The following SNX10 variants were observed in gnomAD, a reference collection of about 807,000 sequenced individuals.
The protein encoded by SNX10 is sorting nexin-10.
In SNX10, 25 loss-of-function variants were observed where a neutral mutation model predicts 28.5. That is an observed-to-expected ratio of 0.88 (90% CI 0.64 to 1.22). SNX10 has a LOEUF of 1.22. Ranked by LOEUF, SNX10 falls within the 50% of genes most tolerant of loss-of-function variation. The pLI is 0.00. For synonymous variants in SNX10, 62 were observed against 81.4 expected (o/e 0.76, Z 1.28); for missense variants, 223 against 242.6 (o/e 0.92, Z 0.54).
chr7:26,349,967 A>T (rs1788534009), intron 2 of SNX10, among the ~76,000 whole-genome samples: 1 of 152,162 alleles, frequency 6.6e-6, no homozygotes, highest in African/African-American at 2.4e-5. Flanking sequence ...CCATAAGGGC[A>T]CTGGGCTCTT....
chr7:26,356,775 G>C (rs1040171065), intron 2 of SNX10, among the ~76,000 whole-genome samples: 4 of 152,066 alleles, frequency 2.6e-5, no homozygotes, highest in Non-Finnish European at 5.9e-5. Flanking sequence ...GAGTTCTTTA[G>C]GGTGCTAGAA....
Position 26,364,326 on chromosome 7 carries a change from C to A in SNX10, c.112-209C>A. On this transcript the variant is annotated intron_variant, in intron 3 of 6. Coordinates refer to ENST00000338523, the MANE Select transcript of SNX10 (RefSeq NM_013322.3). This position sits in a 1 kb window ranked among gnomAD's most constrained non-coding sequence, Gnocchi z 4.9. ...GGTCATACCTCACCCTGGGGCAACA[C>A]TGCTTATTTCCATCATCCTGGCTGT... 3 of 1,281,970 alleles carry A rather than the reference C, an allele frequency of 2.3e-6. No individual in the cohort carries two copies. Among genetic ancestry groups the A allele is most frequent in the Non-Finnish European group, 3.0e-6 (3 of 1,013,468 alleles). 79.4% of individuals were successfully genotyped at this position (1,281,970 alleles called of 1,614,324 possible). A position where few individuals can be genotyped will look rare whatever the true frequency, so the allele number is the denominator to read the frequency against.
chr7:26,323,393 A>G (rs947196827), intron 1 of SNX10, among the ~76,000 whole-genome samples: 2 of 152,184 alleles, frequency 1.3e-5, no homozygotes, highest in Non-Finnish European at 2.9e-5. Context: ...AGTCTAGGGA[A>G]AAAGCATTCC....
chr7:26,334,205 G>A (rs1429298245), intron 1 of SNX10, among the ~76,000 whole-genome samples: 1 of 152,122 alleles, frequency 6.6e-6, no homozygotes, highest in East Asian at 1.9e-4. Flanking sequence ...ATAGTTATAT[G>A]TATTTTTGAG....
intron 1 of SNX10, among the ~76,000 whole-genome samples, chr7:26,316,724 ACCAGGGTCACTTAGCAGGATTTGAGC>A (rs1787105644): frequency 6.6e-6 from 1 of 152,190 alleles, no homozygotes; most frequent in African/African-American, 2.4e-5. Context: ...AAGCAGGTGG[ACCAGGGTCACTTAGCAGGATTTGAGC>A]CCAGGGAGGA....
intron 2 of SNX10, among the ~76,000 whole-genome samples, chr7:26,347,112 TGTGCACACACAC>T (rs71731608): frequency 0.37 from 56,520 of 151,712 alleles, 11,013 homozygotes; most frequent in South Asian, 0.61. Context: ...GTCTAGGGAG[TGTGCACACACAC>T]GTGCACACAC....
At chr7:26,300,445 T>A (rs985032664) in intron 1 of SNX10, among the ~76,000 whole-genome samples, 1 of 152,114 alleles carries the variant, frequency 6.6e-6, no homozygotes, top group Non-Finnish European at 1.5e-5. Context: ...AATAAAATAA[T>A]ACTTAAGACC....
chr7:26,320,006 G>A (rs1163262762), intron 1 of SNX10, among the ~76,000 whole-genome samples: 1 of 151,886 alleles, frequency 6.6e-6, no homozygotes, highest in East Asian at 1.9e-4. Context: ...TTTTGAGACA[G>A]AGTCTCACTC....
intron 1 of SNX10, among the ~76,000 whole-genome samples, chr7:26,311,906 G>A (rs938466246): frequency 2.1e-5 from 3 of 143,216 alleles, no homozygotes; most frequent in Non-Finnish European, 3.0e-5. Context: ...AGGCAGTGTC[G>A]AGGAGATAAG....
chr7:26,343,666 G>A (rs1322947936), intron 1 of SNX10, among the ~76,000 whole-genome samples: 1 of 152,148 alleles, frequency 6.6e-6, no homozygotes, highest in Non-Finnish European at 1.5e-5. Flanking sequence ...AAGTATGAGG[G>A]TAGAGGTTCA....
Position 26,364,323 on chromosome 7 carries a change from A to G in SNX10, c.112-212A>G. On this transcript the variant is annotated intron_variant, in intron 3 of 6. Coordinates refer to ENST00000338523, the MANE Select transcript of SNX10 (RefSeq NM_013322.3). This position sits in a 1 kb window ranked among gnomAD's most constrained non-coding sequence, Gnocchi z 4.9. ...CCAGGTCATACCTCACCCTGGGGCAACACTGCTTATTTCCATCATCCTGGC... is the reference window on the plus strand; with the variant it reads ...CCAGGTCATACCTCACCCTGGGGCAGCACTGCTTATTTCCATCATCCTGGC... The G allele has an allele frequency of 7.8e-7, 1 of 1,280,316 alleles. No individual in the cohort carries two copies. Among genetic ancestry groups the G allele is most frequent in the Non-Finnish European group, 9.9e-7 (1 of 1,012,494 alleles). The allele number at this position is 1,280,316 out of a possible 1,614,324, so 79.3% of individuals were successfully genotyped here. A position where few individuals can be genotyped will look rare whatever the true frequency, so the allele number is the denominator to read the frequency against.
At chr7:26,335,561 C>T (rs1426444612) in intron 1 of SNX10, among the ~76,000 whole-genome samples, 2 of 145,338 alleles carry the variant, frequency 1.4e-5, no homozygotes, top group African/African-American at 5.1e-5. Context: ...TGTAGATCTG[C>T]CCTAGGAGCA....
intron 5 of SNX10, 70 bp downstream of exon 5, chr7:26,365,215 G>T: frequency 3.4e-6 from 3 of 892,460 alleles, no homozygotes; most frequent in Non-Finnish European, 5.6e-6. Flanking sequence ...CTGCATGGTG[G>T]TGTGGGGAAG....
At chr7:26,348,572 C>T (rs998752183) in intron 2 of SNX10, among the ~76,000 whole-genome samples, 9 of 152,202 alleles carry the variant, frequency 5.9e-5, no homozygotes, top group African/African-American at 1.2e-4. Context: ...GAGCCATGGG[C>T]GGAGTTATCC....
intron 1 of SNX10, among the ~76,000 whole-genome samples, chr7:26,325,306 AATATATATATAT>A (rs149785859): frequency 1.4e-4 from 7 of 51,334 alleles, no homozygotes; most frequent in African/African-American, 3.1e-4. Context: ...AAGTTTGCAA[AATATATATATAT>A]ATATATATAT....
Sources: gnomAD v4.1 joint callset for allele counts (sites outside exome capture counted in the v4.1 genomes callset) on GRCh38, gnomAD v4.1.1 for gene constraint, Gnocchi (gnomAD v3.1) non-coding constraint, MANE v1.5 for transcripts, NCBI Gene and HGNC (gene_info 2026-07-23, HGNC 2026-07-21) for gene names.